SINHCAF: variants seen among roughly 807,000 people sequenced by gnomAD.
SINHCAF encodes SIN3-HDAC complex associated factor, also known as SIN3-HDAC complex-associated factor.
Under a neutral mutation model 25.8 loss-of-function variants are expected in SINHCAF, and 3 were observed. That is an observed-to-expected ratio of 0.12 (90% confidence interval 0.05 to 0.30). The LOEUF (loss-of-function observed/expected upper bound fraction) is 0.30, where lower values mean the gene tolerates loss of function less well. Among genes scored for constraint, SINHCAF ranks in the 10% least tolerant of loss-of-function variants. The pLI is 1.00. For synonymous variants in SINHCAF, 70 were observed against 85.5 expected, an observed-to-expected ratio of 0.82 and a Z score of 1.00; for missense variants, 121 against 262.3, an observed-to-expected ratio of 0.46 and a Z score of 3.72.
chr12:31,324,887 G>A lies in SINHCAF; in HGVS notation c.-21+1137C>T, dbSNP rs1365491475. On this transcript the variant is annotated intron_variant, in intron 1 of 5. Coordinates refer to ENST00000337682, the MANE Select transcript of SINHCAF (RefSeq NM_001135812.2). This position sits in a 1 kb window ranked among gnomAD's most constrained non-coding sequence, Gnocchi z 5.5. ...ATCCGCCCCGCACGGGCGGAGAGTT[G>A]GCGACTTTCACTCTGCTTTTTAAAC... The A allele has an allele frequency of 2.3e-6, 1 of 443,752 alleles. No individual in the cohort carries two copies. Among genetic ancestry groups the A allele is most frequent in the African/African-American group, 2.0e-5 (1 of 49,908 alleles). 27.5% of individuals were successfully genotyped at this position (443,752 alleles called of 1,614,324 possible).
chr12:31,287,452 A>T (rs1344977434), intron 5 of SINHCAF, among the ~76,000 whole-genome samples, 182 bp downstream of exon 5: 1 of 152,140 alleles, frequency 6.6e-6, no homozygotes, highest in Admixed American at 6.6e-5. Flanking sequence ...TTTTTATTTT[A>T]AATAAATTTT....
chr12:31,283,928 T>C (rs1006557162), intron 5 of SINHCAF, among the ~76,000 whole-genome samples: 7 of 151,686 alleles, frequency 4.6e-5, no homozygotes, highest in African/African-American at 1.2e-4. Context: ...TTAGTCAACG[T>C]TGAGATCCAT....
At chr12:31,311,894 C>T (rs1018204315) in intron 1 of SINHCAF, 1 of 519,932 alleles carries the variant, frequency 1.9e-6, no homozygotes, top group African/African-American at 1.9e-5. Context: ...CATCCACCAG[C>T]TATTTCCATT....
rs1321936820 is a variant in SINHCAF, at chr12:31,280,981, A to G, written c.*1731T>C. 2.0e-5 allele frequency: 3 copies of G among 152,186 alleles called. No homozygotes were observed. Among genetic ancestry groups the G allele is most frequent in the Non-Finnish European group, 4.4e-5 (3 of 68,028 alleles). The allele number at this position is 152,186 out of a possible 1,614,324, so 9.4% of individuals were successfully genotyped here. A position where few individuals can be genotyped will look rare whatever the true frequency, so the allele number is the denominator to read the frequency against. On this transcript the variant is annotated 3_prime_UTR_variant, in exon 6 of 6. Coordinates refer to ENST00000337682, the MANE Select transcript of SINHCAF (RefSeq NM_001135812.2). ...GTCTGTGCATATGGTGGCTTGTAGC[A>G]TGTAGGTTTTTTCCAAAAGAAGGAA...
At position 31,324,227 on chromosome 12, in the gene SINHCAF, G is replaced by A. The variant is rs1015062848; in HGVS notation, c.-21+1797C>T. 12 of 203,990 alleles carry A rather than the reference G, an allele frequency of 5.9e-5. No homozygotes were observed. The highest frequency in any genetic ancestry group is 1.1e-4 in the Non-Finnish European group (12 of 105,216). 12.6% of individuals were successfully genotyped at this position (203,990 alleles called of 1,614,324 possible). On this transcript the variant is annotated intron_variant, in intron 1 of 5. Coordinates refer to ENST00000337682, the MANE Select transcript of SINHCAF (RefSeq NM_001135812.2). The surrounding 1 kb of genome is among the most constrained non-coding windows in gnomAD (Gnocchi z 5.5). ...GCGCCTCCCGCACGCCGCGCTGCCG[G>A]GGCTTGTTCCTCCTCATGGCTTTGC... is the stretch of plus-strand genomic sequence containing the variant.
chr12:31,317,967 G>A (rs375566027), intron 1 of SINHCAF, among the ~76,000 whole-genome samples: 11 of 152,200 alleles, frequency 7.2e-5, no homozygotes, highest in African/African-American at 2.4e-4. Flanking sequence ...TCATGATGAT[G>A]GGAAAGGAAA....
chr12:31,317,549 AATAGTGGTTGCCTCTGAGGAGTACAAGC>A (rs1939539706), intron 1 of SINHCAF, among the ~76,000 whole-genome samples: 1 of 152,142 alleles, frequency 6.6e-6, no homozygotes, highest in Non-Finnish European at 1.5e-5. Flanking sequence ...AAAAATAGTA[AATAGTGGTTGCCTCTGAGGAGTACAAGC>A]ATAAAAGAAG....
intron 2 of SINHCAF, among the ~76,000 whole-genome samples, chr12:31,296,191 G>A (rs1167905806): frequency 2.6e-5 from 4 of 151,924 alleles, no homozygotes; most frequent in Non-Finnish European, 4.4e-5. Context: ...GGGTGAACAG[G>A]ATCTCACTCT....
Position 31,325,415 on chromosome 12 carries a change from C to T in SINHCAF, c.-21+609G>A. 1 of 357,878 alleles carries T rather than the reference C, an allele frequency of 2.8e-6. No homozygotes were observed. Among genetic ancestry groups the T allele is most frequent in the Non-Finnish European group, 5.5e-6 (1 of 180,530 alleles). 22.2% of individuals were successfully genotyped at this position (357,878 alleles called of 1,614,324 possible). On this transcript the variant is annotated intron_variant, in intron 1 of 5. Transcript: ENST00000337682. The surrounding 1 kb of genome is among the most constrained non-coding windows in gnomAD (Gnocchi z 5.9). Reference sequence around the variant, plus strand: ...GCGTGCGCTCCGGCAGAGCCCAGCACTGACCCCCAAAGGCCGATTTAAAGA... The same window carrying T: ...GCGTGCGCTCCGGCAGAGCCCAGCATTGACCCCCAAAGGCCGATTTAAAGA...
chr12:31,308,956 C>T (rs1410622728), intron 1 of SINHCAF, among the ~76,000 whole-genome samples: 1 of 151,530 alleles, frequency 6.6e-6, no homozygotes, highest in Non-Finnish European at 1.5e-5. Context: ...CATGAAACCC[C>T]GTCTCTACTA....
At chr12:31,303,032 T>A in intron 1 of SINHCAF, 5 of 985,260 alleles carry the variant, frequency 5.1e-6, no homozygotes, top group Non-Finnish European at 6.0e-6. Context: ...ACAATATGTT[T>A]TCTTAAGGTC....
At position 31,307,277 on chromosome 12, in the gene SINHCAF, T is replaced by TA. The variant is rs1273333059; in HGVS notation, c.-20-9054dup. On this transcript the variant is annotated intron_variant, in intron 1 of 5. Coordinates refer to ENST00000337682, the MANE Select transcript of SINHCAF (RefSeq NM_001135812.2). The stretch of plus-strand genomic sequence containing the variant: ...CAAACAAATACTAACTACCTGGATG[T>TA]ATAGGGATGCTTAAAAAGGCACTAG... Among the ~76,000 whole-genome samples, 29 of 152,282 alleles carry TA rather than the reference T, an allele frequency of 1.9e-4. No individual in the cohort carries two copies. The East Asian group carries it at 5.4e-3, about 28-fold the overall frequency.
intron 1 of SINHCAF, among the ~76,000 whole-genome samples, chr12:31,320,461 T>C (rs959235888): frequency 5.9e-5 from 9 of 152,188 alleles, no homozygotes; most frequent in African/African-American, 2.2e-4. Flanking sequence ...CATTATCTCC[T>C]CTACTCAATA....
Position 31,324,637 on chromosome 12 carries a change from C to CGGGCACAT in SINHCAF, c.-21+1379_-21+1386dup. 3.9e-6 allele frequency: 1 copy of CGGGCACAT among 258,356 alleles called. No homozygotes were observed. The highest frequency in any genetic ancestry group is 7.8e-6 in the Non-Finnish European group (1 of 128,192). The allele number at this position is 258,356 out of a possible 1,614,324, so 16.0% of individuals were successfully genotyped here. A position where few individuals can be genotyped will look rare whatever the true frequency, so the allele number is the denominator to read the frequency against. On this transcript the variant is annotated intron_variant, in intron 1 of 5. Transcript: ENST00000337682. This position sits in a 1 kb window ranked among gnomAD's most constrained non-coding sequence, Gnocchi z 5.5. ...CGGCCCCGAGCGCCGGGGGCCCGCA[C>CGGGCACAT]GGGCACATGCAGCCCTTTGTTTTCT...
chr12:31,300,493 C>T (rs942005852), intron 1 of SINHCAF, among the ~76,000 whole-genome samples: 1 of 152,062 alleles, frequency 6.6e-6, no homozygotes, highest in Non-Finnish European at 1.5e-5. Context: ...AATTTGATGT[C>T]TTTGAGAGGA....
chr12:31,298,425 T>C, intron 1 of SINHCAF: 1 of 539,288 alleles, frequency 1.9e-6, no homozygotes, highest in Non-Finnish European at 3.3e-6. Context: ...AAGAAAAGCC[T>C]AGTTATTTAA....
intron 3 of SINHCAF, among the ~76,000 whole-genome samples, chr12:31,294,806 T>C (rs1938481746): frequency 6.6e-6 from 1 of 152,206 alleles, no homozygotes; most frequent in African/African-American, 2.4e-5. Flanking sequence ...CATGAATAAA[T>C]ATAACCTGCC....
intron 1 of SINHCAF, among the ~76,000 whole-genome samples, chr12:31,319,583 A>G (rs1311104327): frequency 1.3e-5 from 2 of 152,226 alleles, no homozygotes; most frequent in African/African-American, 2.4e-5. Context: ...GCATCAACAC[A>G]ACATCAACAC....
At position 31,325,189 on chromosome 12, in the gene SINHCAF, G is replaced by A. The variant is rs1411394323; in HGVS notation, c.-21+835C>T. On this transcript the variant is annotated intron_variant, in intron 1 of 5. Coordinates refer to ENST00000337682, the MANE Select transcript of SINHCAF (RefSeq NM_001135812.2). The surrounding 1 kb of genome is among the most constrained non-coding windows in gnomAD (Gnocchi z 5.9). ...GGCCGCCCATAAACGGGAAGCCCTC[G>A]CGGTGTCGCCCACACCTACGCTACA... is the stretch of plus-strand genomic sequence containing the variant. 1 of 456,644 alleles carries A rather than the reference G, an allele frequency of 2.2e-6. No individual in the cohort carries two copies. The highest frequency in any genetic ancestry group is 4.4e-6 in the Non-Finnish European group (1 of 226,996). The allele number at this position is 456,644 out of a possible 1,614,324, so 28.3% of individuals were successfully genotyped here. A position where few individuals can be genotyped will look rare whatever the true frequency, so the allele number is the denominator to read the frequency against.
Sources: allele counts gnomAD v4.1 joint callset (sites outside exome capture counted in the v4.1 genomes callset), GRCh38; gene constraint gnomAD v4.1.1; non-coding constraint Gnocchi (gnomAD v3.1); transcripts MANE v1.5; gene names NCBI Gene and HGNC (gene_info 2026-07-23, HGNC 2026-07-21).